The following MAPK4 variants were observed in gnomAD, a reference collection of about 807,000 sequenced individuals.
The protein encoded by MAPK4 is mitogen-activated protein kinase 4, also known as Erk3-related.
In MAPK4, 22 loss-of-function variants were observed where a neutral mutation model predicts 47.7. The ratio of observed to expected loss-of-function variants is 0.46; its 90% confidence interval spans 0.33 to 0.66. The LOEUF is 0.66. Ranked by LOEUF, MAPK4 falls within the 30% of genes least tolerant of loss-of-function variation. The pLI, the probability that MAPK4 is intolerant of heterozygous loss-of-function variation, is 0.02. For missense variants in MAPK4, 736 were observed against 831.7 expected (o/e 0.88, Z 1.42); for synonymous variants, 390 against 365.7 (o/e 1.07, Z -0.76).
At chr18:50,652,540 T>A (rs2043061969) in intron 1 of MAPK4, among the ~76,000 whole-genome samples, 2 of 152,172 alleles carry the variant, frequency 1.3e-5, no homozygotes, top group Admixed American at 6.5e-5. Flanking sequence ...CTGGTTGGTA[T>A]CCCTCGGTGG....
chr18:50,650,877 C>T (rs935774218), intron 1 of MAPK4, among the ~76,000 whole-genome samples: 2 of 152,208 alleles, frequency 1.3e-5, no homozygotes, highest in African/African-American at 4.8e-5. Flanking sequence ...CCAATCCTGG[C>T]CATGCACGGG....
intron 2 of MAPK4, among the ~76,000 whole-genome samples, chr18:50,712,084 A>C (rs1910397697): frequency 6.6e-6 from 1 of 152,108 alleles, no homozygotes; most frequent in South Asian, 2.1e-4. Context: ...AAGACACTGC[A>C]CCTTCCCAAA....
chr18:50,681,325 C>CA (rs547440378), intron 2 of MAPK4, among the ~76,000 whole-genome samples: 4 of 151,858 alleles, frequency 2.6e-5, no homozygotes, highest in East Asian at 1.9e-4. Context: ...TGGATAATTG[C>CA]AAAAAAAATT....
chr18:50,599,786 G>A (rs927439954), intron 1 of MAPK4, among the ~76,000 whole-genome samples: 1 of 152,172 alleles, frequency 6.6e-6, no homozygotes, highest in African/African-American at 2.4e-5. Context: ...CAGGTTATCT[G>A]TGGAGCCTCA....
At chr18:50,726,217 C>T (rs1911191644) in intron 5 of MAPK4, 42 bp downstream of exon 5, 2 of 1,587,078 alleles carry the variant, frequency 1.3e-6, no homozygotes, top group Non-Finnish European at 1.7e-6. Flanking sequence ...TTTCCCTGTC[C>T]TCCCATCTCT....
intron 1 of MAPK4, among the ~76,000 whole-genome samples, chr18:50,563,403 A>G (rs1018776161): frequency 1.1e-4 from 16 of 152,230 alleles, no homozygotes; most frequent in African/African-American, 3.9e-4. Flanking sequence ...CCATTCACTC[A>G]ACACACGAGT....
intron 1 of MAPK4, among the ~76,000 whole-genome samples, chr18:50,612,085 G>A (rs117230845): frequency 1.4e-4 from 21 of 152,150 alleles, no homozygotes; most frequent in Non-Finnish European, 2.5e-4. Context: ...CTCCTAGGAA[G>A]CTCTCTTCAC....
intron 3 of MAPK4, 113 bp downstream of exon 3, chr18:50,715,336 C>A: frequency 7.8e-7 from 1 of 1,279,378 alleles, no homozygotes; most frequent in East Asian, 2.5e-5. Context: ...GCTGAAATTA[C>A]TTCTGTGGCT....
chr18:50,612,079 T>A (rs145196731), intron 1 of MAPK4, among the ~76,000 whole-genome samples: 5 of 152,132 alleles, frequency 3.3e-5, no homozygotes, highest in African/African-American at 1.2e-4. Flanking sequence ...GGCTCCCTCC[T>A]AGGAAGCTCT....
chr18:50,717,288 G>A (rs1910690723), intron 3 of MAPK4, among the ~76,000 whole-genome samples: 1 of 152,196 alleles, frequency 6.6e-6, no homozygotes, highest in Non-Finnish European at 1.5e-5. Context: ...TGAGTGTCCA[G>A]GGAATGGAAA....
intron 2 of MAPK4, among the ~76,000 whole-genome samples, chr18:50,672,966 G>T (rs1467595351): frequency 6.6e-6 from 1 of 152,188 alleles, no homozygotes; most frequent in African/African-American, 2.4e-5. Flanking sequence ...TGTCCACTAG[G>T]GGTAAGCAGT....
chr18:50,599,951 G>A (rs189067290), intron 1 of MAPK4, among the ~76,000 whole-genome samples: 3 of 152,092 alleles, frequency 2.0e-5, no homozygotes, highest in Admixed American at 6.5e-5. Flanking sequence ...TACTCTAAGG[G>A]GTGCAAAGCC....
intron 4 of MAPK4, among the ~76,000 whole-genome samples, chr18:50,723,031 C>T (rs116683541): frequency 1.8e-3 from 268 of 152,216 alleles, no homozygotes; most frequent in African/African-American, 6.0e-3. Flanking sequence ...TTCTGAGGGG[C>T]GGTGGCTTAG....
At chr18:50,716,302 G>C (rs1050423316) in intron 3 of MAPK4, among the ~76,000 whole-genome samples, 3 of 151,938 alleles carry the variant, frequency 2.0e-5, no homozygotes, top group African/African-American at 7.3e-5. Flanking sequence ...AGTAGTCAGC[G>C]ACGACTGTCA....
intron 1 of MAPK4, among the ~76,000 whole-genome samples, chr18:50,614,364 C>T (rs11082833): frequency 0.26 from 39,341 of 151,730 alleles, 5,279 homozygotes; most frequent in East Asian, 0.47. Flanking sequence ...TAATGTTTTT[C>T]AAAAATTTTA....
At chr18:50,577,969 A>C (rs764065623) in intron 1 of MAPK4, among the ~76,000 whole-genome samples, 9 of 152,178 alleles carry the variant, frequency 5.9e-5, no homozygotes, top group Non-Finnish European at 7.3e-5. Flanking sequence ...CTGTAACATT[A>C]AGGTACTCCA....
At chr18:50,637,868 C>T (rs944348700) in intron 1 of MAPK4, among the ~76,000 whole-genome samples, 1 of 152,196 alleles carries the variant, frequency 6.6e-6, no homozygotes, top group Non-Finnish European at 1.5e-5. Context: ...GGACGTCTGT[C>T]ATATTAGATT....
chr18:50,716,583 C>T (rs544818533), intron 3 of MAPK4, among the ~76,000 whole-genome samples: 112 of 152,346 alleles, frequency 7.4e-4, no homozygotes, highest in African/African-American at 2.0e-3. Flanking sequence ...AGTCTCCACA[C>T]GCTCTGGCTG....
intron 1 of MAPK4, among the ~76,000 whole-genome samples, chr18:50,597,627 T>C (rs552314869): frequency 1.3e-5 from 2 of 152,292 alleles, no homozygotes; most frequent in South Asian, 4.1e-4. Context: ...TTGCTGTAAG[T>C]GGGACAGAAA....
Sources: gnomAD v4.1 joint callset for allele counts (sites outside exome capture counted in the v4.1 genomes callset) on GRCh38, gnomAD v4.1.1 for gene constraint, MANE v1.5 for transcripts, NCBI Gene and HGNC (gene_info 2026-07-23, HGNC 2026-07-21) for gene names.